NELL1: variants seen among roughly 807,000 people sequenced by gnomAD.
NELL1 encodes neural EGFL like 1, also known as protein kinase C-binding protein NELL1.
Under a neutral mutation model 107.4 loss-of-function variants are expected in NELL1, and 76 were observed. The ratio of observed to expected loss-of-function variants is 0.71; its 90% CI spans 0.59 to 0.86. The LOEUF (loss-of-function observed/expected upper bound fraction) is 0.86, where lower values mean the gene tolerates loss of function less well. Among genes scored for constraint, NELL1 ranks in the 40% least tolerant of loss-of-function variants. The probability of loss-of-function intolerance (pLI) is 0.00; values close to 1 mark genes in which losing one functional copy is unlikely to be tolerated. For missense variants in NELL1, 1,024 were observed against 1,005.5 expected (o/e 1.02, Z -0.25); for synonymous variants, 353 against 341.2 (o/e 1.03, Z -0.38).
chr11:20,807,303 C>A (rs142646687), intron 3 of NELL1, among the ~76,000 whole-genome samples: 2,665 of 152,324 alleles, frequency 0.017, 30 homozygotes, highest in South Asian at 0.032. Context: ...TTCTTGCAGA[C>A]TCATAGAGGT....
chr11:20,738,462 G>T (rs1855812979), intron 2 of NELL1, among the ~76,000 whole-genome samples: 1 of 152,188 alleles, frequency 6.6e-6, no homozygotes, highest in South Asian at 2.1e-4. Context: ...CAGCTTAGAT[G>T]CAGGGTCCTG....
intron 16 of NELL1, among the ~76,000 whole-genome samples, chr11:21,549,905 G>C (rs544256773): frequency 1.3e-5 from 2 of 151,352 alleles, no homozygotes; most frequent in African/African-American, 2.4e-5. Context: ...GTGTTTTAGA[G>C]GGTGAATAAA....
At chr11:20,700,551 C>G (rs749061541) in intron 2 of NELL1, among the ~76,000 whole-genome samples, 4 of 151,928 alleles carry the variant, frequency 2.6e-5, no homozygotes, top group African/African-American at 9.7e-5. Flanking sequence ...GATACATGTG[C>G]ACAACATGCA....
chr11:21,157,161 A>ATATGTG (rs372420048), intron 13 of NELL1, among the ~76,000 whole-genome samples: 65 of 149,742 alleles, frequency 4.3e-4, no homozygotes, highest in African/African-American at 1.2e-3. Context: ...ATATATATAT[A>ATATGTG]TGTGTGTGTG....
intron 12 of NELL1, among the ~76,000 whole-genome samples, chr11:20,961,487 C>CA (rs2134215950): frequency 6.6e-6 from 1 of 152,244 alleles, no homozygotes; most frequent in East Asian, 1.9e-4. Flanking sequence ...TAGTTGTCTT[C>CA]AATGAATGCT....
At chr11:20,692,440 T>C (rs1854493101) in intron 2 of NELL1, among the ~76,000 whole-genome samples, 1 of 152,022 alleles carries the variant, frequency 6.6e-6, no homozygotes, top group Non-Finnish European at 1.5e-5. Context: ...TAAATTTCCC[T>C]CTCCACACTG....
intron 13 of NELL1, among the ~76,000 whole-genome samples, chr11:21,220,601 A>T (rs1273808496): frequency 1.3e-5 from 2 of 151,858 alleles, no homozygotes; most frequent in Admixed American, 6.6e-5. Flanking sequence ...CCTTGGTTAA[A>T]TTTATTCCTA....
chr11:20,924,378 A>T (rs1313018119), intron 7 of NELL1, among the ~76,000 whole-genome samples: 4 of 152,160 alleles, frequency 2.6e-5, no homozygotes, highest in Admixed American at 6.5e-5. Context: ...GGACTTCTCA[A>T]TGTTGTCAGA....
intron 4 of NELL1, among the ~76,000 whole-genome samples, chr11:20,852,243 G>A (rs1218582342): frequency 6.6e-6 from 1 of 152,168 alleles, no homozygotes; most frequent in East Asian, 1.9e-4. Context: ...GAGTTAACAA[G>A]TGATTAGTCT....
At chr11:21,391,656 G>A (rs1393817313) in intron 15 of NELL1, among the ~76,000 whole-genome samples, 1 of 151,420 alleles carries the variant, frequency 6.6e-6, no homozygotes, top group African/African-American at 2.4e-5. Flanking sequence ...ATTGCTTTCT[G>A]AATGTTTTTG....
rs1237241848 is a variant in NELL1 at position 21,374,877 on chromosome 11, C to CTGTGTGTGTG, written c.1645+3938_1645+3939insGTGTGTGTGT. On this transcript the variant is annotated intron_variant, in intron 15 of 19. Coordinates refer to ENST00000357134, the MANE Select transcript of NELL1 (RefSeq NM_006157.5). ...CAGCTACCAGGCTGTGTGGAACTGA[C>CTGTGTGTGTG]TGTGTGTGTCTGTGTGTGTGTGTGT... Among the ~76,000 whole-genome samples, 34 of 89,892 alleles carry CTGTGTGTGTG rather than the reference C, an allele frequency of 3.8e-4. 1 individual carries two copies. The South Asian group carries it at 0.017, about 44-fold the overall frequency. 59.0% of individuals were successfully genotyped at this position (89,892 alleles called of 152,430 possible).
intron 3 of NELL1, among the ~76,000 whole-genome samples, chr11:20,790,078 A>G (rs1230980583): frequency 2.0e-5 from 3 of 152,178 alleles, no homozygotes; most frequent in Admixed American, 2.0e-4. Flanking sequence ...TAGGCCTCGA[A>G]AAGGCACTAC....
Position 21,397,321 on chromosome 11 carries a change from C to T in NELL1, c.1645+26373C>T, listed in dbSNP as rs986625977. 2.0e-5 allele frequency among the ~76,000 whole-genome samples: 3 copies of T among 151,440 alleles called. No individual in the cohort carries two copies. In the South Asian group the frequency reaches 6.2e-4, roughly 31 times the overall value. The stretch of plus-strand genomic sequence containing the variant: ...ATAGATTCATAATTTTTTGGTACCT[C>T]TTAAAGCTTCCATTGATTTTTGTCA... On this transcript the variant is annotated intron_variant, in intron 15 of 19. Coordinates refer to ENST00000357134, the MANE Select transcript of NELL1 (RefSeq NM_006157.5).
intron 12 of NELL1, among the ~76,000 whole-genome samples, chr11:21,022,087 G>A (rs1396630501): frequency 6.6e-6 from 1 of 151,954 alleles, no homozygotes; most frequent in African/African-American, 2.4e-5. Flanking sequence ...AATATTCCCT[G>A]GGAAGCAAAA....
intron 12 of NELL1, among the ~76,000 whole-genome samples, chr11:21,027,811 G>T (rs1259697139): frequency 6.6e-6 from 1 of 152,194 alleles, no homozygotes; most frequent in South Asian, 2.1e-4. Flanking sequence ...TAACAATCTG[G>T]AACAGTTCAT....
intron 12 of NELL1, among the ~76,000 whole-genome samples, chr11:21,026,120 A>G (rs930830055): frequency 2.6e-5 from 4 of 152,056 alleles, no homozygotes; most frequent in Non-Finnish European, 4.4e-5. Flanking sequence ...TTTCTGCCCA[A>G]TCTCTTTTGC....
chr11:21,261,615 G>A (rs1848533807), intron 14 of NELL1, among the ~76,000 whole-genome samples: 1 of 151,714 alleles, frequency 6.6e-6, no homozygotes, highest in Non-Finnish European at 1.5e-5. Context: ...TAAAGAATTT[G>A]CCCAAGGTCA....
chr11:21,137,096 C>T (rs931040520), intron 13 of NELL1, among the ~76,000 whole-genome samples: 2 of 152,160 alleles, frequency 1.3e-5, no homozygotes, highest in African/African-American at 4.8e-5. Context: ...TTTTCTCTTC[C>T]TTCCTTTAAA....
In NELL1 at chr11:20,783,752, A is replaced by C; in HGVS notation, c.257A>C (p.Glu86Ala). Residue 86 changes from glutamate (E) to alanine (A), a missense_variant, in exon 3 of 20, where the codon GAA becomes GCA. Physicochemically the swap from Glu to Ala is moderately radical, Grantham distance 107. Transcript: ENST00000357134. ...KLIQLFRNKS[E>A]FTILATVQQK... ...ATTCAGCTGTTCCGGAACAAGAGTG[A>C]ATTCACCATTTTGGCCACTGTACAG... The C allele has an allele frequency of 6.2e-7, 1 of 1,614,038 alleles. No individual in the cohort carries two copies. Among genetic ancestry groups the C allele is most frequent in the Non-Finnish European group, 8.5e-7 (1 of 1,179,940 alleles).
Sources: allele counts gnomAD v4.1 joint callset (sites outside exome capture counted in the v4.1 genomes callset), GRCh38; gene constraint gnomAD v4.1.1; transcripts MANE v1.5; gene names NCBI Gene and HGNC (gene_info 2026-07-23, HGNC 2026-07-21).